The following HECTD4 variants were observed in gnomAD, a reference collection of about 807,000 sequenced individuals.
HECTD4 encodes the protein HECT domain E3 ubiquitin protein ligase 4.
A neutral mutation model predicts 471.5 loss-of-function variants in HECTD4; 114 were observed. The observed-to-expected ratio is 0.24, with a 90% CI of 0.21 to 0.28. The LOEUF (loss-of-function observed/expected upper bound fraction) is 0.28, where lower values mean the gene tolerates loss of function less well. Among genes scored for constraint, HECTD4 ranks in the 10% least tolerant of loss-of-function variants. The probability of loss-of-function intolerance (pLI) is 1.00; values close to 1 mark genes in which losing one functional copy is unlikely to be tolerated. For missense variants in HECTD4, 3,866 were observed against 5,651.5 expected, an observed-to-expected ratio of 0.68 and a Z score of 10.13; for synonymous variants, 2,012 against 2,256.0, an observed-to-expected ratio of 0.89 and a Z score of 3.07.
intron 34 of HECTD4, among the ~76,000 whole-genome samples, chr12:112,237,971 C>T (rs2033554910): frequency 6.6e-6 from 1 of 152,094 alleles, no homozygotes; most frequent in Non-Finnish European, 1.5e-5. Flanking sequence ...TCAGGCTGGT[C>T]TCGAACTCCT....
chr12:112,269,852 A>G lies in HECTD4; in HGVS notation c.2176-3T>C, dbSNP rs756335813. 7 of 1,612,666 alleles carry G rather than the reference A, an allele frequency of 4.3e-6. No individual in the cohort carries two copies. The East Asian group carries it at 1.3e-4, about 31-fold the overall frequency. ...CTGAAGAAAAATTTAAATACCACCT[A>G]CAGAAACAGAAGGAGTCTATCTAAA... On this transcript the variant is annotated splice_region_variant and splice_polypyrimidine_tract_variant and intron_variant, in intron 12 of 75. Transcript: ENST00000682272.
intron 7 of HECTD4, among the ~76,000 whole-genome samples, chr12:112,295,913 T>C (rs1174297705): frequency 6.7e-6 from 1 of 148,802 alleles, no homozygotes; most frequent in Non-Finnish European, 1.5e-5. Flanking sequence ...CCTCCCACCT[T>C]GGCCTCCCAA....
At chr12:112,371,497 C>A (rs2036668339) in intron 1 of HECTD4, among the ~76,000 whole-genome samples, 1 of 151,930 alleles carries the variant, frequency 6.6e-6, no homozygotes, top group African/African-American at 2.4e-5. Context: ...ATAGCTTGAA[C>A]CCAAGAGGCG....
chr12:112,224,146 C>T (rs895534143), intron 44 of HECTD4, among the ~76,000 whole-genome samples: 75 of 152,098 alleles, frequency 4.9e-4, no homozygotes, highest in African/African-American at 1.7e-3. Context: ...CAAAGTAACC[C>T]GGAATGTAGG....
chr12:112,311,411 G>A (rs549322781), intron 4 of HECTD4, among the ~76,000 whole-genome samples: 1 of 151,174 alleles, frequency 6.6e-6, no homozygotes, highest in South Asian at 2.1e-4. Context: ...ACCAGCTTGG[G>A]CAACAAAGCG....
intron 11 of HECTD4, among the ~76,000 whole-genome samples, chr12:112,270,752 T>C (rs1034418766): frequency 3.3e-5 from 5 of 152,152 alleles, no homozygotes; most frequent in Admixed American, 6.5e-5. Context: ...TTTAGCCCTG[T>C]TTTGTAGAGC....
intron 1 of HECTD4, among the ~76,000 whole-genome samples, chr12:112,357,265 A>T (rs561658589): frequency 6.6e-6 from 1 of 151,726 alleles, no homozygotes; most frequent in African/African-American, 2.4e-5. Flanking sequence ...AAGTCATAAT[A>T]AAAAAAAAGT....
chr12:112,230,557 A>T, intron 40 of HECTD4, 130 bp downstream of exon 40: 2 of 1,090,418 alleles, frequency 1.8e-6, no homozygotes, highest in South Asian at 3.3e-5. Flanking sequence ...CTTCCAGGGG[A>T]AAGTCAGTTA....
rs758273849 is a variant in HECTD4 at position 112,262,515 on chromosome 12, C to CAAAAAAAAAAAAA, written c.2749-1099_2749-1087dup. 5.6e-4 allele frequency among the ~76,000 whole-genome samples: 11 copies of CAAAAAAAAAAAAA among 19,762 alleles called. 2 individuals are homozygous for CAAAAAAAAAAAAA. The highest frequency in any genetic ancestry group is 2.6e-3 in the Admixed American group (3 of 1,136). 13.0% of individuals were successfully genotyped at this position (19,762 alleles called of 152,430 possible). A position where few individuals can be genotyped will look rare whatever the true frequency, so the allele number is the denominator to read the frequency against. ...TGGGCGACAAAGAGAGACTCCATCT[C>CAAAAAAAAAAAAA]AAAAAAAAAAAAAAAAAAAAAAAAA... On this transcript the variant is annotated intron_variant, in intron 17 of 75. Transcript: ENST00000682272.
chr12:112,361,569 G>A (rs367591038), intron 1 of HECTD4, among the ~76,000 whole-genome samples: 2 of 152,012 alleles, frequency 1.3e-5, no homozygotes, highest in African/African-American at 2.4e-5. Flanking sequence ...CAACATACCC[G>A]GCCCTTATTT....
At chr12:112,360,496 C>T (rs527720968) in intron 1 of HECTD4, among the ~76,000 whole-genome samples, 1 of 152,106 alleles carries the variant, frequency 6.6e-6, no homozygotes, top group African/African-American at 2.4e-5. Flanking sequence ...GAACTAAGTA[C>T]CTTGATCTTA....
At chr12:112,346,725 A>AGTC (rs1217549131) in intron 1 of HECTD4, among the ~76,000 whole-genome samples, 3 of 152,252 alleles carry the variant, frequency 2.0e-5, no homozygotes, top group East Asian at 3.9e-4. Context: ...TTGCTCTGAG[A>AGTC]GTCATATTTT....
chr12:112,283,575 C>T (rs1594009005), intron 7 of HECTD4, among the ~76,000 whole-genome samples: 2 of 152,192 alleles, frequency 1.3e-5, no homozygotes, highest in East Asian at 3.8e-4. Flanking sequence ...ATTCCACAGG[C>T]AGCGCTTACT....
At position 112,209,548 on chromosome 12, in the gene HECTD4, A is replaced by G. The variant is rs2032700727; in HGVS notation, c.7867+467T>C. ...TCCATGCTGGTCAGGCTGGTCTCGA[A>G]CTCCCAACCTTAGGTGATCTGCCCA... is the stretch of plus-strand genomic sequence containing the variant. On this transcript the variant is annotated intron_variant, in intron 50 of 75. Transcript: ENST00000682272. Among the ~76,000 whole-genome samples the G allele has an allele frequency of 4.6e-5, 7 of 151,984 alleles. 1 individual carries two copies. In the South Asian group the frequency reaches 1.4e-3, roughly 31 times the overall value.
intron 60 of HECTD4, among the ~76,000 whole-genome samples, chr12:112,185,952 A>G (rs1156351272): frequency 6.6e-6 from 1 of 152,240 alleles, no homozygotes; most frequent in African/African-American, 2.4e-5. Flanking sequence ...ATTTTTGCCA[A>G]CAAGAAAGCC....
rs529221252 is a variant in HECTD4, at chr12:112,181,989, G to A, written c.10987+1070C>T. Reference sequence around the variant, plus strand: ...CACCTGTAATCCCAGCTACTGGGGAGGCTGAGGCAGGGAGAATTGCTTGAA... The same window carrying A: ...CACCTGTAATCCCAGCTACTGGGGAAGCTGAGGCAGGGAGAATTGCTTGAA... On this transcript the variant is annotated intron_variant, in intron 62 of 75. Coordinates refer to ENST00000682272, the MANE Select transcript of HECTD4 (RefSeq NM_001388303.1). Among the ~76,000 whole-genome samples, 4 of 152,240 alleles carry A rather than the reference G, an allele frequency of 2.6e-5. No homozygotes were observed. The East Asian group carries it at 7.7e-4, about 29-fold the overall frequency.
chr12:112,254,641 G>A (rs1261385363), intron 21 of HECTD4, among the ~76,000 whole-genome samples: 1 of 151,980 alleles, frequency 6.6e-6, no homozygotes, highest in African/African-American at 2.4e-5. Flanking sequence ...AAAAATCAAT[G>A]AATAAATAAG....
chr12:112,338,438 T>C (rs2035996930), intron 1 of HECTD4, among the ~76,000 whole-genome samples: 1 of 152,040 alleles, frequency 6.6e-6, no homozygotes, highest in Non-Finnish European at 1.5e-5. Context: ...CTGGCCAACA[T>C]GGTGAAACCC....
chr12:112,381,954 C>T lies in HECTD4; in HGVS notation c.175G>A (p.Glu59Lys). The part of the protein sequence containing the change: ...GAPEAADTDL[E>K]ILTFETKNPS... ...GGGCCGGGGGCCGCCTCGCTCACCT[C>T]CAGGTCGGTGTCCGCGGCCTCTGGG... The change falls in exon 1 of 76, where the codon GAG becomes AAG. Residue 59 changes from glutamate (E) to lysine (K), a missense_variant and splice_region_variant. Glu to Lys is a moderately conservative substitution (Grantham distance 56, BLOSUM62 1). Around this residue, in one of 16 missense-constraint regions of HECTD4, gnomAD observed 440 missense variants for 636.0 expected, o/e 0.69. Coordinates refer to ENST00000682272, the MANE Select transcript of HECTD4 (RefSeq NM_001388303.1). This position sits in a 1 kb window ranked among gnomAD's most constrained non-coding sequence, Gnocchi z 4.1. 2.5e-6 allele frequency: 3 copies of T among 1,224,128 alleles called. No individual in the cohort carries two copies. The highest frequency in any genetic ancestry group is 3.1e-6 in the Non-Finnish European group (3 of 983,026). The allele number at this position is 1,224,128 out of a possible 1,614,324, so 75.8% of individuals were successfully genotyped here.
Sources: gnomAD v4.1 joint callset for allele counts (sites outside exome capture counted in the v4.1 genomes callset) on GRCh38, gnomAD v4.1.1 for gene constraint, gnomAD v4.1.1 regional missense constraint, Gnocchi (gnomAD v3.1) non-coding constraint, MANE v1.5 for transcripts, NCBI Gene and HGNC (gene_info 2026-07-23, HGNC 2026-07-21) for gene names.